Variants in SCGN observed in about 807,000 individuals in gnomAD.
SCGN encodes secretagogin.
A neutral mutation model predicts 39.7 loss-of-function variants in SCGN; 30 were observed. The observed-to-expected ratio is 0.76, with a 90% CI of 0.57 to 1.03. SCGN has a LOEUF of 1.03. Among genes scored for constraint, SCGN ranks in the 50% least tolerant of loss-of-function variants. The pLI, the probability that SCGN is intolerant of heterozygous loss-of-function variation, is 0.00. For synonymous variants in SCGN, 106 were observed against 114.1 expected (o/e 0.93, Z 0.45); for missense variants, 353 against 349.4 (o/e 1.01, Z -0.08).
chr6:25,653,767 G>A (rs1432986929), intron 2 of SCGN, among the ~76,000 whole-genome samples: 1 of 151,998 alleles, frequency 6.6e-6, no homozygotes, highest in Non-Finnish European at 1.5e-5. Flanking sequence ...TTTATACCTG[G>A]GGGTAAAGTA....
At chr6:25,688,445 G>A (rs1452110222) in intron 7 of SCGN, among the ~76,000 whole-genome samples, 1 of 152,148 alleles carries the variant, frequency 6.6e-6, no homozygotes, top group Non-Finnish European at 1.5e-5. Context: ...TCTTGCTAAC[G>A]GGCTCTGTGT....
intron 7 of SCGN, among the ~76,000 whole-genome samples, chr6:25,684,081 C>G (rs1759671951): frequency 6.6e-6 from 1 of 152,166 alleles, no homozygotes; most frequent in Admixed American, 6.5e-5. Flanking sequence ...AGTTGTGCCC[C>G]CTTTATCACT....
chr6:25,660,686 T>G (rs772981558), intron 2 of SCGN, among the ~76,000 whole-genome samples: 1 of 152,150 alleles, frequency 6.6e-6, no homozygotes, highest in African/African-American at 2.4e-5. Context: ...GGATGATGCA[T>G]CCAGAGAGTG....
At chr6:25,662,950 G>T (rs1347242812) in intron 3 of SCGN, among the ~76,000 whole-genome samples, 1 of 152,126 alleles carries the variant, frequency 6.6e-6, no homozygotes, top group Admixed American at 6.5e-5. Context: ...CCTAATTAAC[G>T]AATGAGAAAA....
chr6:25,663,449 G>A (rs1760374581), intron 3 of SCGN, among the ~76,000 whole-genome samples: 1 of 152,134 alleles, frequency 6.6e-6, no homozygotes, highest in Admixed American at 6.5e-5. Context: ...TTACCAACAT[G>A]GCAGTTATCA....
chr6:25,694,429 C>T lies in SCGN; in HGVS notation c.702+3305C>T, dbSNP rs1032710831. The stretch of plus-strand genomic sequence containing the variant: ...ATTAGTTGGAAGCAGAGATCAGCCT[C>T]GTTCTTCAATGGATTTATATCACTT... On this transcript the variant is annotated intron_variant, in intron 10 of 10. Transcript: ENST00000377961. 7.9e-5 allele frequency among the ~76,000 whole-genome samples: 12 copies of T among 152,184 alleles called. No homozygotes were observed. The East Asian group carries it at 2.3e-3, about 29-fold the overall frequency.
chr6:25,698,853 C>G (rs1043378471), intron 10 of SCGN, among the ~76,000 whole-genome samples: 4 of 152,166 alleles, frequency 2.6e-5, no homozygotes, highest in African/African-American at 4.8e-5. Flanking sequence ...ATTTTTCCTG[C>G]TCTGCCATCT....
intron 9 of SCGN, 41 bp from the exon 10 acceptor site, chr6:25,691,015 A>T: frequency 6.4e-7 from 1 of 1,552,330 alleles, no homozygotes; most frequent in Non-Finnish European, 8.9e-7. Context: ...TTTTTGGCTT[A>T]AGAAACTGAT....
intron 7 of SCGN, among the ~76,000 whole-genome samples, chr6:25,682,331 A>C (rs1033512096): frequency 6.6e-6 from 1 of 152,104 alleles, no homozygotes; most frequent in African/African-American, 2.4e-5. Flanking sequence ...CCCAAATCCC[A>C]TTTACTGGCT....
rs780286590 is a variant in SCGN at position 25,689,525 on chromosome 6, A to G, written c.626A>G (p.Tyr209Cys). 8 of 1,613,592 alleles carry G rather than the reference A, an allele frequency of 5.0e-6. No individual in the cohort carries two copies. Among genetic ancestry groups the G allele is most frequent in the Non-Finnish European group, 6.8e-6 (8 of 1,179,558 alleles). The change falls in exon 9 of 11, where the codon TAT becomes TGT. Residue 209 changes from tyrosine (Y) to cysteine (C), a missense_variant. Tyr to Cys is a radical substitution (Grantham distance 194). Transcript: ENST00000377961. ...KRDFEKIFAY[Y>C]DVSKTGALEG... ...GACTTTGAGAAAATCTTTGCCTACT[A>G]TGATGTTGTAAGTGTGCGTCTTTAT...
chr6:25,701,565 T>A lies in SCGN; in HGVS notation c.*230T>A. 2.5e-6 allele frequency: 1 copy of A among 395,662 alleles called. No individual in the cohort carries two copies. The allele number at this position is 395,662 out of a possible 1,614,324, so 24.5% of individuals were successfully genotyped here. ...GTTTTCCCTTGACCCTGGGCTTTCCTATCCTCCCAAAGACTCAGCTCCCCT... is the reference window on the plus strand; with the variant it reads ...GTTTTCCCTTGACCCTGGGCTTTCCAATCCTCCCAAAGACTCAGCTCCCCT... On this transcript the variant is annotated 3_prime_UTR_variant, in exon 11 of 11. Transcript: ENST00000377961.
intron 3 of SCGN, 83 bp downstream of exon 3, chr6:25,661,727 T>C: frequency 4.4e-6 from 4 of 919,116 alleles, no homozygotes; most frequent in Non-Finnish European, 6.8e-6. Context: ...GCTGTAATAT[T>C]CTTTGAAAGA....
At chr6:25,670,341 G>A (rs1466754210) in intron 6 of SCGN, among the ~76,000 whole-genome samples, 2 of 152,200 alleles carry the variant, frequency 1.3e-5, no homozygotes, top group African/African-American at 4.8e-5. Flanking sequence ...AGGTTTCTAA[G>A]CATCAGGCCA....
chr6:25,685,837 A>G (rs544109867), intron 7 of SCGN, among the ~76,000 whole-genome samples: 34 of 152,282 alleles, frequency 2.2e-4, no homozygotes, highest in Non-Finnish European at 4.4e-5. Flanking sequence ...CATCACCAAT[A>G]TCTAATTTTA....
At chr6:25,653,749 C>T (rs1056164145) in intron 2 of SCGN, among the ~76,000 whole-genome samples, 4 of 152,164 alleles carry the variant, frequency 2.6e-5, no homozygotes, top group Non-Finnish European at 4.4e-5. Context: ...TATGTCTCTG[C>T]TAATTGATTT....
intron 2 of SCGN, among the ~76,000 whole-genome samples, chr6:25,661,101 T>C (rs1265856586): frequency 6.6e-6 from 1 of 152,188 alleles, no homozygotes; most frequent in Admixed American, 6.5e-5. Flanking sequence ...GTTTTTTTCC[T>C]CAGAGAATAC....
At chr6:25,669,303 C>G (rs1398273930) in intron 4 of SCGN, among the ~76,000 whole-genome samples, 1 of 152,126 alleles carries the variant, frequency 6.6e-6, no homozygotes, top group Admixed American at 6.5e-5. Flanking sequence ...TTGTGGCCCT[C>G]CTTAAGTGGC....
chr6:25,682,828 T>A (rs1759654768), intron 7 of SCGN, among the ~76,000 whole-genome samples: 1 of 152,090 alleles, frequency 6.6e-6, no homozygotes, highest in Non-Finnish European at 1.5e-5. Flanking sequence ...GATGAGGAGG[T>A]AACTCGACAA....
At chr6:25,695,485 CATACA>C (rs1759826852) in intron 10 of SCGN, among the ~76,000 whole-genome samples, 2 of 152,084 alleles carry the variant, frequency 1.3e-5, no homozygotes, top group African/African-American at 4.8e-5. Flanking sequence ...CCAAGTATAC[CATACA>C]ATATTGTTAA....
Sources: gnomAD v4.1 joint callset for allele counts (sites outside exome capture counted in the v4.1 genomes callset) on GRCh38, gnomAD v4.1.1 for gene constraint, MANE v1.5 for transcripts, NCBI Gene and HGNC (gene_info 2026-07-23, HGNC 2026-07-21) for gene names.